The following CNTN4 variants were observed in gnomAD, a reference collection of about 807,000 sequenced individuals.
The protein encoded by CNTN4 is contactin-4.
In CNTN4, 77 loss-of-function variants were observed where a neutral mutation model predicts 122.5. That is an observed-to-expected ratio of 0.63 (90% CI 0.52 to 0.76). The LOEUF (loss-of-function observed/expected upper bound fraction) is 0.76. CNTN4 is among the 30% of genes least tolerant of loss of function. CNTN4 has a pLI of 0.00. For synonymous variants in CNTN4, 512 were observed against 447.0 expected, an observed-to-expected ratio of 1.15 and a Z score of -1.83; for missense variants, 1,256 against 1,259.1, an observed-to-expected ratio of 1.00 and a Z score of 0.04.
intron 6 of CNTN4, among the ~76,000 whole-genome samples, chr3:2,792,842 T>G (rs1291658202): frequency 6.6e-6 from 1 of 152,230 alleles, no homozygotes; most frequent in East Asian, 1.9e-4. Context: ...TTATATAAGA[T>G]GTATTTATAC....
intron 11 of CNTN4, 74 bp downstream of exon 11, chr3:2,900,895 G>C: frequency 1.9e-6 from 3 of 1,549,516 alleles, no homozygotes; most frequent in Non-Finnish European, 2.7e-6. Context: ...CGTGGAAACG[G>C]GAGAATGGTG....
rs533104659 is a variant in CNTN4 at position 2,304,592 on chromosome 3, C to T, written c.-144-34586C>T. ...TTCACAACATAATTTAGATGAAACA[C>T]TGTTGGCCTTGGTAATTAGGAAAAT... On this transcript the variant is annotated intron_variant, in intron 2 of 24. Coordinates refer to ENST00000418658, the MANE Select transcript of CNTN4 (RefSeq NM_175607.3). 3.3e-5 allele frequency among the ~76,000 whole-genome samples: 5 copies of T among 152,092 alleles called. No homozygotes were observed. The South Asian group carries it at 1.0e-3, about 32-fold the overall frequency.
intron 10 of CNTN4, chr3:2,892,221 T>A (rs1005082388): frequency 6.6e-6 from 1 of 152,222 alleles, no homozygotes; most frequent in Non-Finnish European, 1.5e-5. Flanking sequence ...TCTCGTTCTA[T>A]GTTCCCAGTG....
At chr3:2,102,774 G>A (rs1289973555) in intron 2 of CNTN4, among the ~76,000 whole-genome samples, 1 of 152,164 alleles carries the variant, frequency 6.6e-6, no homozygotes, top group Non-Finnish European at 1.5e-5. Flanking sequence ...CTATTAAGGA[G>A]GCTGGGAAAT....
intron 6 of CNTN4, among the ~76,000 whole-genome samples, chr3:2,779,067 T>G (rs925142782): frequency 2.0e-5 from 3 of 152,154 alleles, no homozygotes; most frequent in African/African-American, 7.2e-5. Context: ...ACAAAGTAAT[T>G]GTTTTATATA....
At chr3:2,998,019 A>G (rs1161872215) in intron 14 of CNTN4, among the ~76,000 whole-genome samples, 1 of 152,174 alleles carries the variant, frequency 6.6e-6, no homozygotes, top group African/African-American at 2.4e-5. Flanking sequence ...GATTCTACCT[A>G]GAAGAGGAGG....
intron 6 of CNTN4, among the ~76,000 whole-genome samples, chr3:2,793,765 C>A (rs554559382): frequency 1.3e-5 from 2 of 152,264 alleles, no homozygotes; most frequent in African/African-American, 4.8e-5. Flanking sequence ...CCATTTCTTG[C>A]CTTGATTACA....
intron 14 of CNTN4, among the ~76,000 whole-genome samples, chr3:3,023,659 A>G (rs368425169): frequency 2.6e-5 from 4 of 152,324 alleles, no homozygotes; most frequent in African/African-American, 4.8e-5. Flanking sequence ...GTGTAGGCTT[A>G]GAGCTAGAGC....
At chr3:2,618,819 T>G (rs1438541779) in intron 4 of CNTN4, among the ~76,000 whole-genome samples, 1 of 152,226 alleles carries the variant, frequency 6.6e-6, no homozygotes, top group African/African-American at 2.4e-5. Context: ...TGCTCTGACA[T>G]ACTTCTCTTA....
chr3:2,666,014 T>C (rs1489852255), intron 4 of CNTN4, among the ~76,000 whole-genome samples: 2 of 152,200 alleles, frequency 1.3e-5, no homozygotes, highest in South Asian at 2.1e-4. Flanking sequence ...CTTGTAATTA[T>C]GAATGGGCGA....
chr3:2,828,830 C>T (rs750289462), intron 7 of CNTN4, among the ~76,000 whole-genome samples: 19 of 152,076 alleles, frequency 1.2e-4, no homozygotes, highest in Non-Finnish European at 2.1e-4. Context: ...AGCCTGAAAC[C>T]GGGCTCAAGC....
intron 14 of CNTN4, among the ~76,000 whole-genome samples, chr3:3,021,446 T>C (rs971748688): frequency 6.6e-6 from 1 of 152,216 alleles, no homozygotes; most frequent in African/African-American, 2.4e-5. Context: ...TTGCTTGCTG[T>C]CTGCTCTTTG....
intron 3 of CNTN4, among the ~76,000 whole-genome samples, chr3:2,425,375 G>A (rs2047784264): frequency 6.6e-6 from 1 of 152,082 alleles, no homozygotes; most frequent in Non-Finnish European, 1.5e-5. Flanking sequence ...AAGATCAGAT[G>A]GTTGTAGATG....
intron 2 of CNTN4, among the ~76,000 whole-genome samples, chr3:2,281,170 A>G (rs1321622377): frequency 1.3e-5 from 2 of 152,286 alleles, no homozygotes; most frequent in East Asian, 3.9e-4. Flanking sequence ...ATTACCAGAT[A>G]TACCTCTTCC....
At chr3:2,727,280 A>G (rs1381483804) in intron 4 of CNTN4, among the ~76,000 whole-genome samples, 1 of 152,262 alleles carries the variant, frequency 6.6e-6, no homozygotes, top group Non-Finnish European at 1.5e-5. Context: ...TCAGCACTGC[A>G]TAATCAAACG....
At chr3:2,169,773 T>C (rs1409464940) in intron 2 of CNTN4, among the ~76,000 whole-genome samples, 1 of 152,188 alleles carries the variant, frequency 6.6e-6, no homozygotes, top group African/African-American at 2.4e-5. Context: ...AGTAAAACTG[T>C]TTCTGTTTTA....
At chr3:2,308,716 G>T (rs577001353) in intron 2 of CNTN4, among the ~76,000 whole-genome samples, 1 of 151,748 alleles carries the variant, frequency 6.6e-6, no homozygotes, top group African/African-American at 2.4e-5. Flanking sequence ...TTTTAGTTTT[G>T]ATTGCTAATT....
At chr3:2,732,224 T>G (rs1480133630) in intron 4 of CNTN4, among the ~76,000 whole-genome samples, 1 of 152,184 alleles carries the variant, frequency 6.6e-6, no homozygotes. Context: ...TAGAAGGATC[T>G]GTGTTAGTAG....
Position 2,192,931 on chromosome 3 carries a change from C to T in CNTN4, c.-145+92292C>T, listed in dbSNP as rs527569740. Among the ~76,000 whole-genome samples, 5 of 152,228 alleles carry T rather than the reference C, an allele frequency of 3.3e-5. 1 individual carries two copies. In the South Asian group the frequency reaches 8.3e-4, roughly 25 times the overall value. On this transcript the variant is annotated intron_variant, in intron 2 of 24. Coordinates refer to ENST00000418658, the MANE Select transcript of CNTN4 (RefSeq NM_175607.3). ...TGTGTGTTTTGCTGTGTGATCCAGGCATATAATAGACTTCTAATACAGCTT... is the reference window on the plus strand; with the variant it reads ...TGTGTGTTTTGCTGTGTGATCCAGGTATATAATAGACTTCTAATACAGCTT...
Sources: allele counts gnomAD v4.1 joint callset (sites outside exome capture counted in the v4.1 genomes callset), GRCh38; gene constraint gnomAD v4.1.1; transcripts MANE v1.5; gene names NCBI Gene and HGNC (gene_info 2026-07-23, HGNC 2026-07-21).